TMEM132C: variants seen among roughly 807,000 people sequenced by gnomAD.
TMEM132C encodes transmembrane protein 132C.
In TMEM132C, 29 loss-of-function variants were observed where a neutral mutation model predicts 61.4. That is an observed-to-expected ratio of 0.47 (90% CI 0.35 to 0.64). The LOEUF (loss-of-function observed/expected upper bound fraction) is 0.64, where lower values mean the gene tolerates loss of function less well. TMEM132C is among the 30% of genes least tolerant of loss of function. TMEM132C has a pLI of 0.00. For synonymous variants in TMEM132C, 656 were observed against 633.1 expected (o/e 1.04, Z -0.54); for missense variants, 1,408 against 1,476.9 (o/e 0.95, Z 0.76).
At chr12:128,413,836 G>A (rs994502321) in intron 1 of TMEM132C, among the ~76,000 whole-genome samples, 4 of 151,944 alleles carry the variant, frequency 2.6e-5, no homozygotes, top group Non-Finnish European at 4.4e-5. Context: ...TGGTATTTTT[G>A]TAATGCAAAT....
At chr12:128,373,110 G>A (rs1874079839) in intron 1 of TMEM132C, among the ~76,000 whole-genome samples, 1 of 152,148 alleles carries the variant, frequency 6.6e-6, no homozygotes, top group African/African-American at 2.4e-5. Flanking sequence ...GCTATCGGAG[G>A]AGGAACTCAG....
At chr12:128,544,756 A>G (rs1022840910) in intron 3 of TMEM132C, among the ~76,000 whole-genome samples, 2 of 152,212 alleles carry the variant, frequency 1.3e-5, no homozygotes, top group Admixed American at 1.3e-4. Flanking sequence ...TATGCTAAAT[A>G]TATTTAGTTT....
At chr12:128,687,064 T>A (rs533628698) in intron 5 of TMEM132C, among the ~76,000 whole-genome samples, 399 of 151,940 alleles carry the variant, frequency 2.6e-3, no homozygotes, top group African/African-American at 9.1e-3. Flanking sequence ...TAGGCGGGCA[T>A]GGTAGTGCAT....
rs1043499269 is a variant in TMEM132C, at chr12:128,630,956, T to C, written c.1305+14621T>C. Among the ~76,000 whole-genome samples the C allele has an allele frequency of 2.0e-5, 3 of 152,148 alleles. No homozygotes were observed. Among genetic ancestry groups the C allele is most frequent in the African/African-American group, 7.2e-5 (3 of 41,434 alleles). Reference sequence around the variant, plus strand: ...CTGAGACACGAGAATCGCTTGAACCTGGGAGGCGGAGGCTGCAATGAGCCG... The same window carrying C: ...CTGAGACACGAGAATCGCTTGAACCCGGGAGGCGGAGGCTGCAATGAGCCG... On this transcript the variant is annotated intron_variant, in intron 4 of 8. Coordinates refer to ENST00000435159, the MANE Select transcript of TMEM132C (RefSeq NM_001136103.3). This position sits in a 1 kb window ranked among gnomAD's most constrained non-coding sequence, Gnocchi z 4.3.
chr12:128,365,781 G>A (rs963532950), intron 1 of TMEM132C, among the ~76,000 whole-genome samples: 3 of 152,112 alleles, frequency 2.0e-5, no homozygotes, highest in Non-Finnish European at 4.4e-5. Flanking sequence ...TTTACAAGGG[G>A]CCTTTAAAAA....
chr12:128,635,771 A>G (rs933159699), intron 4 of TMEM132C, among the ~76,000 whole-genome samples: 1 of 152,220 alleles, frequency 6.6e-6, no homozygotes, highest in Non-Finnish European at 1.5e-5. Flanking sequence ...CTGAAAAGCC[A>G]GCGCTCCCAG....
intron 1 of TMEM132C, among the ~76,000 whole-genome samples, chr12:128,403,772 C>G (rs1875247144): frequency 6.6e-6 from 1 of 152,316 alleles, no homozygotes; most frequent in Non-Finnish European, 1.5e-5. Context: ...TGTTGAACTT[C>G]GTGTCACTCC....
At chr12:128,632,458 A>G (rs1954071558) in intron 4 of TMEM132C, among the ~76,000 whole-genome samples, 1 of 152,154 alleles carries the variant, frequency 6.6e-6, no homozygotes, top group Non-Finnish European at 1.5e-5. Context: ...ATCCATACAG[A>G]CTTAATTGAT....
intron 4 of TMEM132C, among the ~76,000 whole-genome samples, chr12:128,665,072 C>A (rs1219179182): frequency 6.6e-6 from 1 of 151,444 alleles, no homozygotes; most frequent in East Asian, 1.9e-4. Flanking sequence ...CTCTCACATA[C>A]ACAAACACAG....
chr12:128,619,346 G>C (rs1273038966), intron 4 of TMEM132C, among the ~76,000 whole-genome samples: 1 of 152,146 alleles, frequency 6.6e-6, no homozygotes, highest in Non-Finnish European at 1.5e-5. Context: ...CCACGGATAG[G>C]AGGATTCAGC....
chr12:128,557,187 T>G (rs369962982), intron 3 of TMEM132C, among the ~76,000 whole-genome samples: 1 of 152,308 alleles, frequency 6.6e-6, no homozygotes, highest in African/African-American at 2.4e-5. Flanking sequence ...CCCTTCCCAC[T>G]TCCCAGCCCA....
At chr12:128,341,598 A>C (rs1347097002) in intron 1 of TMEM132C, among the ~76,000 whole-genome samples, 3 of 152,206 alleles carry the variant, frequency 2.0e-5, no homozygotes, top group African/African-American at 7.2e-5. Flanking sequence ...TCTATACAAT[A>C]AACATAAATG....
At chr12:128,626,660 G>T (rs935588272) in intron 4 of TMEM132C, among the ~76,000 whole-genome samples, 9 of 151,876 alleles carry the variant, frequency 5.9e-5, no homozygotes, top group African/African-American at 2.2e-4. Context: ...GGCCAGGCTG[G>T]TCTCAGATTC....
At chr12:128,283,595 C>T (rs1327627492) in intron 1 of TMEM132C, among the ~76,000 whole-genome samples, 1 of 152,122 alleles carries the variant, frequency 6.6e-6, no homozygotes, top group Non-Finnish European at 1.5e-5. Flanking sequence ...CTACTGTTCT[C>T]TGTCTACTGT....
At chr12:128,358,916 T>A (rs1176783499) in intron 1 of TMEM132C, among the ~76,000 whole-genome samples, 1 of 152,114 alleles carries the variant, frequency 6.6e-6, no homozygotes, top group Non-Finnish European at 1.5e-5. Flanking sequence ...CTGGTACCAG[T>A]CACACAAATG....
intron 1 of TMEM132C, among the ~76,000 whole-genome samples, chr12:128,343,802 T>C (rs1873058100): frequency 1.3e-5 from 2 of 152,290 alleles, no homozygotes; most frequent in Admixed American, 6.5e-5. Flanking sequence ...CCAATTTCTG[T>C]CTCTATGGAT....
rs1489440703 is a variant in TMEM132C at position 128,510,505 on chromosome 12, CG to C, written c.975-33450del. Among the ~76,000 whole-genome samples the C allele has an allele frequency of 3.9e-5, 6 of 152,348 alleles. No homozygotes were observed. The East Asian group carries it at 1.2e-3, about 29-fold the overall frequency. On this transcript the variant is annotated intron_variant, in intron 2 of 8. Coordinates refer to ENST00000435159, the MANE Select transcript of TMEM132C (RefSeq NM_001136103.3). ...AGGCCTCTCAAGCCCGCACCTAGAA[CG>C]GCGGGTCTGATTTGACTTCACCCCC...
At chr12:128,426,214 A>G (rs1368443098) in intron 2 of TMEM132C, among the ~76,000 whole-genome samples, 1 of 152,180 alleles carries the variant, frequency 6.6e-6, no homozygotes, top group Admixed American at 6.5e-5. Flanking sequence ...CCACTCTTCT[A>G]ATTACTGAGC....
intron 4 of TMEM132C, among the ~76,000 whole-genome samples, chr12:128,660,063 G>C (rs1359995478): frequency 6.6e-6 from 1 of 152,222 alleles, no homozygotes. Context: ...CTCCCTCCAA[G>C]GGTTCAGGGA....
Sources: gnomAD v4.1 joint callset for allele counts (sites outside exome capture counted in the v4.1 genomes callset) on GRCh38, gnomAD v4.1.1 for gene constraint, Gnocchi (gnomAD v3.1) non-coding constraint, MANE v1.5 for transcripts, NCBI Gene and HGNC (gene_info 2026-07-23, HGNC 2026-07-21) for gene names.